The following ARFGEF3 variants were observed in gnomAD, a reference collection of about 807,000 sequenced individuals.
The protein encoded by ARFGEF3 is brefeldin A-inhibited guanine nucleotide-exchange protein 3.
Under a neutral mutation model 221.7 loss-of-function variants are expected in ARFGEF3, and 96 were observed. That is an observed-to-expected ratio of 0.43 (90% CI 0.37 to 0.51). The LOEUF is 0.51. Among genes scored for constraint, ARFGEF3 ranks in the 20% least tolerant of loss-of-function variants. The pLI is 0.00. For missense variants in ARFGEF3, 2,410 were observed against 2,789.9 expected (o/e 0.86, Z 3.07); for synonymous variants, 1,145 against 1,126.8 (o/e 1.02, Z -0.32).
intron 14 of ARFGEF3, among the ~76,000 whole-genome samples, chr6:138,282,105 C>T (rs1420722778): frequency 6.6e-6 from 1 of 152,204 alleles, no homozygotes; most frequent in Non-Finnish European, 1.5e-5. Context: ...CAGGTGCCCA[C>T]CACCATGCCC....
Position 138,286,830 on chromosome 6 carries a change from T to A in ARFGEF3, c.2699T>A (p.Ile900Asn), listed in dbSNP as rs1779304907. The stretch of plus-strand genomic sequence containing the variant: ...GCCTTCATTCTGGGAGCTGAAGGCA[T>A]CAAAGAGCAGAACCAGAAGGAGCGG... Reference protein sequence around the residue: ...GLAFILGAEGIKEQNQKERDA... With the variant: ...GLAFILGAEGNKEQNQKERDA... The change falls in exon 16 of 34, where the codon ATC (isoleucine) becomes AAC (asparagine). Residue 900 changes from isoleucine to asparagine, a missense_variant. By Grantham distance (149) the Ile-to-Asn change is moderately radical. Transcript: ENST00000251691. The A allele has an allele frequency of 6.2e-7, 1 of 1,613,882 alleles. No individual in the cohort carries two copies. Among genetic ancestry groups the A allele is most frequent in the African/African-American group, 1.3e-5 (1 of 74,924 alleles).
At position 138,236,544 on chromosome 6, in the gene ARFGEF3, G is replaced by A. The variant is rs943185768; in HGVS notation, c.421-1965G>A. 7.9e-5 allele frequency among the ~76,000 whole-genome samples: 12 copies of A among 152,150 alleles called. No homozygotes were observed. The South Asian group carries it at 1.0e-3, about 13-fold the overall frequency. ...CCAGACTGGAGTGGCACAATATCAC[G>A]GCTCCTTGTAGCCTCTACCTTCCCA... is the stretch of plus-strand genomic sequence containing the variant. On this transcript the variant is annotated intron_variant, in intron 5 of 33. Transcript: ENST00000251691.
At chr6:138,295,576 G>A (rs1779494466) in intron 20 of ARFGEF3, among the ~76,000 whole-genome samples, 2 of 149,682 alleles carry the variant, frequency 1.3e-5, no homozygotes, top group Non-Finnish European at 2.9e-5. Flanking sequence ...GTTGCAGTGA[G>A]CTGAGATTGC....
At chr6:138,289,726 T>G in intron 17 of ARFGEF3, 92 bp from the exon 18 acceptor site, 1 of 1,365,444 alleles carries the variant, frequency 7.3e-7, no homozygotes, top group Non-Finnish European at 1.0e-6. Flanking sequence ...GTCCTTTCCC[T>G]TTTGCCCTTG....
intron 8 of ARFGEF3, among the ~76,000 whole-genome samples, chr6:138,249,410 A>G (rs947900678): frequency 6.6e-6 from 1 of 152,184 alleles, no homozygotes; most frequent in Admixed American, 6.5e-5. Context: ...GCTCACTGCA[A>G]CTTCCACCTC....
Position 138,263,541 on chromosome 6 carries a change from G to A in ARFGEF3, c.2058G>A (p.Arg686=). 6.2e-7 allele frequency: 1 copy of A among 1,613,144 alleles called. No individual in the cohort carries two copies. The highest frequency in any genetic ancestry group is 8.5e-7 in the Non-Finnish European group (1 of 1,179,830). ...FIQSLEGLLP[R]LLSLSNVEEV... ...AGTCCCTGGAAGGCCTCCTCCCTCG[G>A]CTCCTGTCTCTCTCCAATGTAGAGG... The change falls in exon 12 of 34, where the codon CGG becomes CGA. Residue 686 remains arginine, a synonymous_variant. Transcript: ENST00000251691.
In ARFGEF3 at chr6:138,287,149, G is replaced by T; in HGVS notation, c.2861G>T (p.Arg954Met). The change falls in exon 17 of 34, where the codon AGG (arginine) becomes ATG (methionine). Residue 954 changes from arginine (R) to methionine (M), a missense_variant. Around this residue, in one of 5 missense-constraint regions of ARFGEF3, gnomAD observed 594 missense variants for 734.3 expected, o/e 0.81. Transcript: ENST00000251691. Reference protein sequence around the residue: ...ASCVQEEKEEREAQEPSDAIT... With the variant: ...ASCVQEEKEEMEAQEPSDAIT... ...TGTGTCCAAGAAGAAAAAGAAGAGA[G>T]GGAGGCCCAAGAACCCAGTGATGCC... is the stretch of plus-strand genomic sequence containing the variant. 1 of 1,571,630 alleles carries T rather than the reference G, an allele frequency of 6.4e-7. No individual in the cohort carries two copies. The highest frequency in any genetic ancestry group is 8.6e-7 in the Non-Finnish European group (1 of 1,158,056).
intron 10 of ARFGEF3, among the ~76,000 whole-genome samples, chr6:138,257,523 A>G (rs1319066457): frequency 6.6e-6 from 1 of 152,224 alleles, no homozygotes; most frequent in African/African-American, 2.4e-5. Context: ...ATTTCCTCCC[A>G]CAAAGACACT....
At position 138,286,929 on chromosome 6, in the gene ARFGEF3, G is replaced by C; in HGVS notation, c.2785+13G>C. On this transcript the variant is annotated intron_variant, in intron 16 of 33. Transcript: ENST00000251691. The stretch of plus-strand genomic sequence containing the variant: ...AGCTGCGCTCTAGGTACCAGCGGGA[G>C]TAGTGTTCCCTGGCCGTGGTCCTGC... 1 of 1,611,926 alleles carries C rather than the reference G, an allele frequency of 6.2e-7. No homozygotes were observed. The highest frequency in any genetic ancestry group is 8.5e-7 in the Non-Finnish European group (1 of 1,179,280).
rs9495013 is a variant in ARFGEF3 at position 138,318,122 on chromosome 6, G to A, written c.4474+743G>A. On this transcript the variant is annotated intron_variant, in intron 27 of 33. Transcript: ENST00000251691. ...TAATGAAGACTTGATAATTGATACC[G>A]TTTCAAAATCTATAGCAAAGTTTAT... 2.3e-3 allele frequency among the ~76,000 whole-genome samples: 357 copies of A among 152,162 alleles called. 1 individual carries two copies. Among genetic ancestry groups the A allele is most frequent in the African/African-American group, 8.0e-3 (333 of 41,518 alleles).
At chr6:138,261,491 T>C in intron 10 of ARFGEF3, 36 bp from the exon 11 acceptor site, 1 of 1,330,580 alleles carries the variant, frequency 7.5e-7, no homozygotes, top group South Asian at 1.4e-5. Context: ...TTTGTGATAT[T>C]CACTTTTCTG....
At position 138,223,152 on chromosome 6, in the gene ARFGEF3, G is replaced by A. The variant is rs147969661; in HGVS notation, c.352-6632G>A. Reference sequence around the variant, plus strand: ...CTCCATTTGGCTGGGCATGTGGAAGGCAGCACACCCTTCACCCCATAGAAG... The same window carrying A: ...CTCCATTTGGCTGGGCATGTGGAAGACAGCACACCCTTCACCCCATAGAAG... On this transcript the variant is annotated intron_variant, in intron 4 of 33. Transcript: ENST00000251691. Among the ~76,000 whole-genome samples the A allele has an allele frequency of 2.7e-3, 408 of 152,304 alleles. 1 individual carries two copies. Among genetic ancestry groups the A allele is most frequent in the Middle Eastern group, 6.8e-3 (2 of 294 alleles).
intron 12 of ARFGEF3, among the ~76,000 whole-genome samples, chr6:138,270,916 G>A (rs1243826844): frequency 6.6e-6 from 1 of 152,176 alleles, no homozygotes; most frequent in Non-Finnish European, 1.5e-5. Flanking sequence ...AGTCGTGCAG[G>A]ATAATGGCAG....
chr6:138,250,877 A>G (rs1486375996), intron 8 of ARFGEF3, among the ~76,000 whole-genome samples: 1 of 152,226 alleles, frequency 6.6e-6, no homozygotes, highest in African/African-American at 2.4e-5. Context: ...GTGTTTTGAA[A>G]GAGTTGGCTG....
At position 138,261,514 on chromosome 6, in the gene ARFGEF3, CT is replaced by C; in HGVS notation, c.1105-8del. The C allele has an allele frequency of 2.0e-6, 3 of 1,503,978 alleles. No homozygotes were observed. The highest frequency in any genetic ancestry group is 1.7e-4 in the Middle Eastern group (1 of 5,802). The allele number at this position is 1,503,978 out of a possible 1,614,324, so 93.2% of individuals were successfully genotyped here. On this transcript the variant is annotated splice_polypyrimidine_tract_variant and intron_variant, in intron 10 of 33. Coordinates refer to ENST00000251691, the MANE Select transcript of ARFGEF3 (RefSeq NM_020340.5). The stretch of plus-strand genomic sequence containing the variant: ...ATTCACTTTTCTGTTACTCTTTTAC[CT>C]TTTTCTTTAAGATACTTGGGAGCCC...
chr6:138,231,287 G>A (rs1330130939), intron 5 of ARFGEF3, among the ~76,000 whole-genome samples: 2 of 152,154 alleles, frequency 1.3e-5, no homozygotes, highest in African/African-American at 2.4e-5. Context: ...TTGAAACACT[G>A]TGGCCTCTTC....
At chr6:138,323,332 C>G (rs1269688761) in intron 29 of ARFGEF3, among the ~76,000 whole-genome samples, 2 of 152,130 alleles carry the variant, frequency 1.3e-5, no homozygotes, top group Non-Finnish European at 2.9e-5. Flanking sequence ...TCCTTTGTGG[C>G]CGGGCGCGGT....
At chr6:138,261,701 C>A in intron 11 of ARFGEF3, 62 bp downstream of exon 11, 1 of 902,470 alleles carries the variant, frequency 1.1e-6, no homozygotes, top group Non-Finnish European at 1.6e-6. Flanking sequence ...TTTAACCTTG[C>A]TTACAAGTCC....
chr6:138,322,183 C>G (rs1182622279), intron 29 of ARFGEF3, among the ~76,000 whole-genome samples: 1 of 152,166 alleles, frequency 6.6e-6, no homozygotes, highest in Admixed American at 6.5e-5. Flanking sequence ...TAAGAGGGTA[C>G]TTTGCCTGCC....
Sources: allele counts gnomAD v4.1 joint callset (sites outside exome capture counted in the v4.1 genomes callset), GRCh38; gene constraint gnomAD v4.1.1; regional missense constraint gnomAD v4.1.1; transcripts MANE v1.5; gene names NCBI Gene and HGNC (gene_info 2026-07-23, HGNC 2026-07-21).